Variants in PRKG1 observed in about 807,000 individuals in gnomAD.
PRKG1 encodes the protein cGMP-dependent protein kinase 1.
In PRKG1, 35 loss-of-function variants were observed where a neutral mutation model predicts 88.1. The ratio of observed to expected loss-of-function variants is 0.40; its 90% confidence interval spans 0.30 to 0.53. The LOEUF is 0.53. Ranked by LOEUF, PRKG1 falls within the 20% of genes least tolerant of loss-of-function variation. PRKG1 has a pLI of 0.59. For synonymous variants in PRKG1, 303 were observed against 292.5 expected (o/e 1.04, Z -0.37); for missense variants, 540 against 839.8 (o/e 0.64, Z 4.41).
chr10:51,313,549 G>A (rs1015536035), intron 2 of PRKG1, among the ~76,000 whole-genome samples: 11 of 152,146 alleles, frequency 7.2e-5, no homozygotes, highest in African/African-American at 2.7e-4. Flanking sequence ...GCACGAGAAA[G>A]AAGTGTTCTC....
chr10:51,882,872 C>T (rs1047327828), intron 4 of PRKG1, among the ~76,000 whole-genome samples: 2 of 152,128 alleles, frequency 1.3e-5, no homozygotes, highest in African/African-American at 4.8e-5. Flanking sequence ...AAGCTTGAGC[C>T]GTTGTTCTCA....
chr10:52,158,016 G>A (rs1838172006), intron 8 of PRKG1, among the ~76,000 whole-genome samples: 1 of 151,644 alleles, frequency 6.6e-6, no homozygotes, highest in Non-Finnish European at 1.5e-5. Context: ...AATGAAATAT[G>A]TGCATGCATA....
chr10:51,158,909 A>G (rs1204843791), intron 2 of PRKG1, among the ~76,000 whole-genome samples: 1 of 151,754 alleles, frequency 6.6e-6, no homozygotes, highest in Non-Finnish European at 1.5e-5. Context: ...GTGTTATGTG[A>G]TTATTCACAT....
chr10:51,664,256 A>T (rs1357119335), intron 3 of PRKG1, among the ~76,000 whole-genome samples: 1 of 152,174 alleles, frequency 6.6e-6, no homozygotes, highest in East Asian at 1.9e-4. Context: ...ATTGTGGCAA[A>T]ACCTAAAATA....
intron 2 of PRKG1, among the ~76,000 whole-genome samples, chr10:51,190,587 C>G (rs537866571): frequency 6.6e-6 from 1 of 151,936 alleles, no homozygotes; most frequent in Admixed American, 6.6e-5. Context: ...GTTCCTTTGC[C>G]TGAAATGCTG....
chr10:51,406,724 A>G (rs1837930782), intron 2 of PRKG1, among the ~76,000 whole-genome samples: 1 of 150,282 alleles, frequency 6.7e-6, no homozygotes, highest in Non-Finnish European at 1.5e-5. Flanking sequence ...GCTTATACTT[A>G]TTGAATAAAA....
rs181428498 is a variant in PRKG1, at chr10:51,937,966, T to C, written c.762+30396T>C. ...CCTTAGTCCAGCATATCCATACTTA[T>C]ACGCTATCTGCCTGTTAGTCATCGA... On this transcript the variant is annotated intron_variant, in intron 5 of 17. Transcript: ENST00000373980. Among the ~76,000 whole-genome samples, 7 of 152,118 alleles carry C rather than the reference T, an allele frequency of 4.6e-5. No individual in the cohort carries two copies. In the East Asian group the frequency reaches 5.8e-4, roughly 13 times the overall value.
rs1490460560 is a variant in PRKG1 at position 52,062,575 on chromosome 10, A to C, written c.879A>C (p.Pro293=). Residue 293 remains proline, a synonymous_variant, in exon 7 of 18, where the codon CCA becomes CCC. Coordinates refer to ENST00000373980, the MANE Select transcript of PRKG1 (RefSeq NM_006258.4). ...GTGAAGACTCACCGAGTGAAGACCC[A>C]GTCTTTCTTAGAACTTTAGGAAAAG... is the stretch of plus-strand genomic sequence containing the variant. The part of the protein sequence containing the change: ...VTREDSPSED[P]VFLRTLGKGD... 2 of 1,607,554 alleles carry C rather than the reference A, an allele frequency of 1.2e-6. No individual in the cohort carries two copies. The highest frequency in any genetic ancestry group is 8.5e-7 in the Non-Finnish European group (1 of 1,177,962).
intron 5 of PRKG1, among the ~76,000 whole-genome samples, chr10:52,004,981 A>G (rs537282214): frequency 3.9e-5 from 6 of 152,264 alleles, no homozygotes; most frequent in African/African-American, 1.4e-4. Context: ...CATTATCAAT[A>G]TGAGTTTGCC....
At chr10:51,947,443 C>T (rs1000264519) in intron 5 of PRKG1, among the ~76,000 whole-genome samples, 9 of 148,670 alleles carry the variant, frequency 6.1e-5, no homozygotes, top group East Asian at 4.1e-4. Flanking sequence ...CGCCCTGCTT[C>T]GGCTCGCGCA....
At chr10:52,166,744 C>T (rs1414000815) in intron 9 of PRKG1, among the ~76,000 whole-genome samples, 1 of 143,294 alleles carries the variant, frequency 7.0e-6, no homozygotes, top group Non-Finnish European at 1.5e-5. Flanking sequence ...GCTGAATACT[C>T]AGCAGTTACA....
At chr10:51,124,913 C>G (rs999595635) in intron 1 of PRKG1, among the ~76,000 whole-genome samples, 2 of 152,174 alleles carry the variant, frequency 1.3e-5, no homozygotes, top group African/African-American at 4.8e-5. Flanking sequence ...AGATGCTCTC[C>G]TTTGAGTTGA....
At chr10:51,867,602 G>A (rs928737758) in intron 4 of PRKG1, among the ~76,000 whole-genome samples, 45 of 152,248 alleles carry the variant, frequency 3.0e-4, no homozygotes, top group African/African-American at 9.4e-4. Context: ...GAAAAAGGAA[G>A]GAGTCTAGGA....
chr10:51,238,768 A>C (rs966682190), intron 2 of PRKG1, among the ~76,000 whole-genome samples: 1 of 151,946 alleles, frequency 6.6e-6, no homozygotes, highest in African/African-American at 2.4e-5. Flanking sequence ...CTCAAAAAAA[A>C]AAAAAAAAGT....
intron 2 of PRKG1, among the ~76,000 whole-genome samples, chr10:51,350,722 A>G (rs1165164745): frequency 1.3e-5 from 2 of 152,248 alleles, no homozygotes; most frequent in Non-Finnish European, 2.9e-5. Flanking sequence ...AAGCAAATTC[A>G]GCAAGTTGCA....
chr10:51,336,145 G>A (rs1344931969), intron 2 of PRKG1, among the ~76,000 whole-genome samples: 1 of 152,022 alleles, frequency 6.6e-6, no homozygotes, highest in Non-Finnish European at 1.5e-5. Flanking sequence ...CTGAACTCAG[G>A]AGTTTGAGAC....
chr10:51,979,504 C>T (rs2133106132), intron 5 of PRKG1, among the ~76,000 whole-genome samples: 1 of 127,140 alleles, frequency 7.9e-6, no homozygotes, highest in Admixed American at 9.8e-5. Context: ...GGGAGGGGTC[C>T]TTCCTTTCAA....
At chr10:52,072,324 G>A (rs905367044) in intron 7 of PRKG1, among the ~76,000 whole-genome samples, 8 of 151,726 alleles carry the variant, frequency 5.3e-5, no homozygotes, top group African/African-American at 1.9e-4. Context: ...CTGGATTTGT[G>A]GCTGTCCAAA....
chr10:51,273,385 G>A (rs1840032558), intron 2 of PRKG1, among the ~76,000 whole-genome samples: 1 of 151,648 alleles, frequency 6.6e-6, no homozygotes, highest in South Asian at 2.1e-4. Context: ...AGCTTGTTGT[G>A]GTGGCATGCA....
Sources: allele counts gnomAD v4.1 joint callset (sites outside exome capture counted in the v4.1 genomes callset), GRCh38; gene constraint gnomAD v4.1.1; transcripts MANE v1.5; gene names NCBI Gene and HGNC (gene_info 2026-07-23, HGNC 2026-07-21).